ESRRG: variants seen among roughly 807,000 people sequenced by gnomAD.
ESRRG encodes estrogen-related receptor gamma.
Under a neutral mutation model 44.0 loss-of-function variants are expected in ESRRG, and 13 were observed. The observed-to-expected ratio is 0.30, with a 90% CI of 0.19 to 0.47. The LOEUF is 0.47. Among genes scored for constraint, ESRRG ranks in the 20% least tolerant of loss-of-function variants. The pLI is 1.00. For missense variants in ESRRG, 395 were observed against 580.6 expected, an observed-to-expected ratio of 0.68 and a Z score of 3.29; for synonymous variants, 215 against 214.6, an observed-to-expected ratio of 1.00 and a Z score of -0.02.
intron 1 of ESRRG, among the ~76,000 whole-genome samples, chr1:216,959,173 A>C (rs1561189): frequency 0.52 from 78,243 of 151,684 alleles, 21,893 homozygotes; most frequent in Middle Eastern, 0.7. Flanking sequence ...AGGAATTTTG[A>C]CCATTCATTC....
intron 2 of ESRRG, among the ~76,000 whole-genome samples, chr1:216,734,916 T>A (rs1023193099): frequency 1.6e-4 from 23 of 145,758 alleles, no homozygotes; most frequent in Non-Finnish European, 3.5e-4. Flanking sequence ...TTTTTTTTTT[T>A]TTTTTTTTTT....
intron 3 of ESRRG, among the ~76,000 whole-genome samples, chr1:216,609,032 T>C (rs1413519493): frequency 2.0e-5 from 3 of 152,230 alleles, no homozygotes; most frequent in Non-Finnish European, 4.4e-5. Flanking sequence ...CCTTCTCTTT[T>C]GTACTCTACA....
intron 1 of ESRRG, among the ~76,000 whole-genome samples, chr1:216,702,415 C>T (rs1331898999): frequency 1.3e-5 from 2 of 151,882 alleles, no homozygotes; most frequent in African/African-American, 4.8e-5. Flanking sequence ...CTAGACTTCC[C>T]CCAACAAAAC....
intron 2 of ESRRG, among the ~76,000 whole-genome samples, chr1:216,918,337 T>A (rs890134469): frequency 6.6e-6 from 1 of 152,172 alleles, no homozygotes; most frequent in Non-Finnish European, 1.5e-5. Flanking sequence ...ATATGTGCCC[T>A]GCTCTCTCTT....
At chr1:217,080,671 G>GTTTTTTTT (rs34598045) in intron 1 of ESRRG, among the ~76,000 whole-genome samples, 2 of 65,246 alleles carry the variant, frequency 3.1e-5, no homozygotes, top group African/African-American at 1.2e-4. Flanking sequence ...TGTTTTTTTG[G>GTTTTTTTT]TTTTTTTTTT....
chr1:216,954,985 A>G (rs1360290083), intron 1 of ESRRG, among the ~76,000 whole-genome samples: 1 of 152,174 alleles, frequency 6.6e-6, no homozygotes, highest in Non-Finnish European at 1.5e-5. Context: ...ATAATATGTA[A>G]TGATCAAATC....
At chr1:216,804,771 C>G (rs1311939248) in intron 2 of ESRRG, among the ~76,000 whole-genome samples, 6 of 152,036 alleles carry the variant, frequency 3.9e-5, no homozygotes, top group African/African-American at 1.4e-4. Context: ...CAAATGTCCA[C>G]ACATACCCCC....
chr1:216,944,890 C>G (rs1238677889), intron 1 of ESRRG, among the ~76,000 whole-genome samples: 1 of 152,132 alleles, frequency 6.6e-6, no homozygotes, highest in Non-Finnish European at 1.5e-5. Context: ...AAGGCTGCAG[C>G]TGACCCAGCT....
intron 5 of ESRRG, among the ~76,000 whole-genome samples, chr1:216,535,254 A>G (rs2050590541): frequency 1.3e-5 from 2 of 152,088 alleles, no homozygotes; most frequent in African/African-American, 4.8e-5. Flanking sequence ...GAATTGCTCA[A>G]TTTCCTCATC....
At chr1:216,664,692 G>GGA (rs2073437333) in intron 2 of ESRRG, among the ~76,000 whole-genome samples, 1 of 133,784 alleles carries the variant, frequency 7.5e-6, no homozygotes, top group Non-Finnish European at 1.5e-5. Flanking sequence ...TGCTACTGAA[G>GGA]AAAAAAAAAA....
At chr1:216,689,204 T>C (rs959962042) in intron 1 of ESRRG, among the ~76,000 whole-genome samples, 7 of 152,136 alleles carry the variant, frequency 4.6e-5, no homozygotes, top group African/African-American at 1.7e-4. Flanking sequence ...AAATTTGTTA[T>C]CTCTAAAGGC....
At chr1:216,889,988 G>A (rs546776309) in intron 2 of ESRRG, among the ~76,000 whole-genome samples, 1 of 152,256 alleles carries the variant, frequency 6.6e-6, no homozygotes, top group South Asian at 2.1e-4. Flanking sequence ...TTAATAGGCT[G>A]GGTATGGTGG....
chr1:216,980,274 C>A, intron 1 of ESRRG, among the ~76,000 whole-genome samples: 1 of 152,172 alleles, frequency 6.6e-6, no homozygotes, highest in Non-Finnish European at 1.5e-5. Flanking sequence ...CTGATACTTG[C>A]TCAAACACAA....
In ESRRG at chr1:216,694,588, G is replaced by A. The variant is rs550591888; in HGVS notation, c.57-17097C>T. Among the ~76,000 whole-genome samples the A allele has an allele frequency of 2.7e-5, 4 of 150,732 alleles. No homozygotes were observed. In the South Asian group the frequency reaches 8.4e-4, roughly 32 times the overall value. ...TATTTTATTTTTTTGACACAGTCTC[G>A]ATCTGTCACCCAGGCTGGAGTGCAG... is the stretch of plus-strand genomic sequence containing the variant. On this transcript the variant is annotated intron_variant, in intron 1 of 6. Transcript: ENST00000408911.
intron 1 of ESRRG, among the ~76,000 whole-genome samples, chr1:217,081,177 A>T (rs903724034): frequency 4.8e-5 from 7 of 146,858 alleles, no homozygotes. Context: ...TTCTGATGGA[A>T]GGGTTGATTA....
At position 216,677,209 on chromosome 1, in the gene ESRRG, C is replaced by G; in HGVS notation, c.339G>C (p.Gln113His). The change falls in exon 2 of 7, where the codon CAG (glutamine) becomes CAC (histidine). Residue 113 changes from glutamine (Q) to histidine (H), a missense_variant. This residue lies in a region of ESRRG where 148 missense variants were observed against 150.4 expected (regional missense o/e 0.98). Coordinates refer to ENST00000408911, the MANE Select transcript of ESRRG (RefSeq NM_001438.4). Reference protein sequence around the residue: ...DCSSTIVEDPQTKCEYMLNSM... With the variant: ...DCSSTIVEDPHTKCEYMLNSM... ...AGTTGAGCATGTATTCACACTTGGT[C>G]TGGGGATCTTCAACAATGGTGCTGG... The G allele has an allele frequency of 6.2e-7, 1 of 1,614,168 alleles. No homozygotes were observed. Among genetic ancestry groups the G allele is most frequent in the Non-Finnish European group, 8.5e-7 (1 of 1,180,036 alleles).
At chr1:216,720,432 G>T (rs2085975907) in intron 1 of ESRRG, among the ~76,000 whole-genome samples, 1 of 152,018 alleles carries the variant, frequency 6.6e-6, no homozygotes, top group Middle Eastern at 3.2e-3. Context: ...CAAGTCTAGA[G>T]TTTAAGTATT....
intron 2 of ESRRG, among the ~76,000 whole-genome samples, chr1:216,867,911 G>A (rs1165669587): frequency 6.6e-6 from 1 of 151,740 alleles, no homozygotes; most frequent in Admixed American, 6.6e-5. Context: ...TCCCTTTATA[G>A]GCCAATTGCC....
chr1:216,949,157 A>G (rs1264181725), intron 1 of ESRRG, among the ~76,000 whole-genome samples: 2 of 152,198 alleles, frequency 1.3e-5, no homozygotes, highest in Non-Finnish European at 2.9e-5. Context: ...TGTTTTGACC[A>G]GCCACATCCA....
Sources: allele counts gnomAD v4.1 joint callset (sites outside exome capture counted in the v4.1 genomes callset), GRCh38; gene constraint gnomAD v4.1.1; regional missense constraint gnomAD v4.1.1; transcripts MANE v1.5; gene names NCBI Gene and HGNC (gene_info 2026-07-23, HGNC 2026-07-21).